The following PLEKHH2 variants were observed in gnomAD, a reference collection of about 807,000 sequenced individuals.
The protein encoded by PLEKHH2 is pleckstrin homology domain-containing family H member 2.
A neutral mutation model predicts 187.9 loss-of-function variants in PLEKHH2; 129 were observed. The ratio of observed to expected loss-of-function variants is 0.69; its 90% CI spans 0.59 to 0.79. PLEKHH2 has a LOEUF of 0.79. Among genes scored for constraint, PLEKHH2 ranks in the 30% least tolerant of loss-of-function variants. The probability of loss-of-function intolerance (pLI) is 0.00; values close to 1 mark genes in which losing one functional copy is unlikely to be tolerated. For missense variants in PLEKHH2, 2,076 were observed against 1,751.2 expected, an observed-to-expected ratio of 1.19 and a Z score of -3.31; for synonymous variants, 686 against 605.6, an observed-to-expected ratio of 1.13 and a Z score of -1.95.
intron 3 of PLEKHH2, among the ~76,000 whole-genome samples, chr2:43,680,053 G>A (rs1160287198): frequency 6.6e-6 from 1 of 152,082 alleles, no homozygotes; most frequent in Non-Finnish European, 1.5e-5. Context: ...AAAATGATGG[G>A]TTTGGATGGG....
At position 43,637,387 on chromosome 2, in the gene PLEKHH2, A is replaced by G. The variant is rs6544679; in HGVS notation, c.-4+8A>G. The stretch of plus-strand genomic sequence containing the variant: ...CGCTGCTGAGATAGACAGGTGAGAA[A>G]GCCCGGGGACGAGGGGCCACTCCAG... On this transcript the variant is annotated splice_region_variant and intron_variant, in intron 1 of 29. Transcript: ENST00000282406. 0.65 allele frequency: 98,385 copies of G among 152,262 alleles called. 32,912 individuals carry two copies. Among genetic ancestry groups the G allele is most frequent in the African/African-American group, 0.79 (32,690 of 41,532 alleles). 9.4% of individuals were successfully genotyped at this position (152,262 alleles called of 1,614,324 possible).
chr2:43,700,029 G>A lies in PLEKHH2; in HGVS notation c.1071G>A (p.Glu357=), dbSNP rs781116206. The change falls in exon 8 of 30, where the codon GAG becomes GAA. Residue 357 remains glutamate (E), a synonymous_variant. Coordinates refer to ENST00000282406, the MANE Select transcript of PLEKHH2 (RefSeq NM_172069.4). ...AGAAGCTATATTCTTGGCAGCAGGA[G>A]GCACAGTGGAAAGCTCTAAATAGTC... is the stretch of plus-strand genomic sequence containing the variant. ...EHKKLYSWQQ[E]AQWKALNSPL... is the part of the protein sequence containing the mutation. 2.5e-6 allele frequency: 4 copies of A among 1,614,136 alleles called. No homozygotes were observed. The South Asian group carries it at 4.4e-5, about 18-fold the overall frequency.
In PLEKHH2 at chr2:43,767,790, A is replaced by G. The variant is rs550067119; in HGVS notation, c.*2192A>G. The G allele has an allele frequency of 5.2e-5, 8 of 152,928 alleles. No individual in the cohort carries two copies. The highest frequency in any genetic ancestry group is 2.1e-4 in the South Asian group (1 of 4,830). The allele number at this position is 152,928 out of a possible 1,614,324, so 9.5% of individuals were successfully genotyped here. A position where few individuals can be genotyped will look rare whatever the true frequency, so the allele number is the denominator to read the frequency against. On this transcript the variant is annotated 3_prime_UTR_variant, in exon 30 of 30. Transcript: ENST00000282406. ...ATTTTTGATAGAGCAGAGATAAAAT[A>G]TTTTGATGGAAGGAAATCAATTTTC...
Position 43,692,514 on chromosome 2 carries a change from G to A in PLEKHH2, c.187G>A (p.Val63Ile), listed in dbSNP as rs778423987. 3 of 1,560,942 alleles carry A rather than the reference G, an allele frequency of 1.9e-6. No individual in the cohort carries two copies. Among genetic ancestry groups the A allele is most frequent in the Admixed American group, 1.8e-5 (1 of 55,390 alleles). The change falls in exon 4 of 30, where the codon GTA becomes ATA. Residue 63 changes from valine (V) to isoleucine (I), a missense_variant and splice_region_variant. Coordinates refer to ENST00000282406, the MANE Select transcript of PLEKHH2 (RefSeq NM_172069.4). ...TTAATATTTTATCCTTTGAATTTAGGTACAAGTTATGGAAGATAAATTAAA... is the reference window on the plus strand; with the variant it reads ...TTAATATTTTATCCTTTGAATTTAGATACAAGTTATGGAAGATAAATTAAA... ...ERQAEKAFQQ[V>I]QVMEDKLKAA...
At position 43,678,928 on chromosome 2, in the gene PLEKHH2, A is replaced by C; in HGVS notation, c.186+3A>C. The C allele has an allele frequency of 6.2e-7, 1 of 1,603,320 alleles. No homozygotes were observed. The highest frequency in any genetic ancestry group is 8.5e-7 in the Non-Finnish European group (1 of 1,172,674). On this transcript the variant is annotated splice_donor_region_variant and intron_variant, in intron 3 of 29. Coordinates refer to ENST00000282406, the MANE Select transcript of PLEKHH2 (RefSeq NM_172069.4). ...AAGCAGAAAAAGCTTTTCAACAGGT[A>C]GAGTATAATTTTACTTTAAATTTTT...
intron 2 of PLEKHH2, among the ~76,000 whole-genome samples, chr2:43,669,702 G>C (rs11124946): frequency 0.47 from 70,851 of 151,708 alleles, 17,094 homozygotes; most frequent in Non-Finnish European, 0.51. Context: ...AAGGTGAAAA[G>C]GAAGAAACTT....
At chr2:43,718,537 CAA>C (rs751090843) in intron 15 of PLEKHH2, among the ~76,000 whole-genome samples, 5 of 103,836 alleles carry the variant, frequency 4.8e-5, no homozygotes, top group Non-Finnish European at 4.1e-5. Context: ...GACTCCGTCT[CAA>C]AAAAAAAAAA....
In PLEKHH2 at chr2:43,757,505, C is replaced by T. The variant is rs538140138; in HGVS notation, c.3941+241C>T. Among the ~76,000 whole-genome samples the T allele has an allele frequency of 2.6e-4, 39 of 151,542 alleles. 1 individual carries two copies. The highest frequency in any genetic ancestry group is 2.1e-3 in the Admixed American group (32 of 15,220). ...CCCAATCTCGGCTCACTGCAAGCTC[C>T]GCCTCCCGGGTACAGCCATTCTCAT... On this transcript the variant is annotated intron_variant, in intron 26 of 29. Transcript: ENST00000282406.
intron 2 of PLEKHH2, among the ~76,000 whole-genome samples, chr2:43,645,952 C>A (rs1174355428): frequency 6.6e-6 from 1 of 152,072 alleles, no homozygotes; most frequent in South Asian, 2.1e-4. Flanking sequence ...TCATTGCTAG[C>A]CAAGAATCTC....
chr2:43,674,565 C>G (rs1667635839), intron 2 of PLEKHH2, among the ~76,000 whole-genome samples: 1 of 152,178 alleles, frequency 6.6e-6, no homozygotes, highest in Admixed American at 6.5e-5. Context: ...GCTCATTAAA[C>G]ATTTGAAATA....
intron 7 of PLEKHH2, among the ~76,000 whole-genome samples, chr2:43,698,189 C>T (rs769261976): frequency 2.6e-5 from 4 of 151,590 alleles, no homozygotes; most frequent in East Asian, 1.9e-4. Context: ...TTTTCCAATC[C>T]GAAGGCTCCT....
rs535445710 is a variant in PLEKHH2, at chr2:43,666,438, G to A, written c.124-12425G>A. On this transcript the variant is annotated intron_variant, in intron 2 of 29. Coordinates refer to ENST00000282406, the MANE Select transcript of PLEKHH2 (RefSeq NM_172069.4). ...AATGCAGAAATCACCCGTCTTCTGC[G>A]TCGCTCACGCTGGGAGCTGTAGACC... Among the ~76,000 whole-genome samples the A allele has an allele frequency of 6.0e-3, 919 of 151,946 alleles. 26 individuals carry two copies. The highest frequency in any genetic ancestry group is 0.012 in the African/African-American group (498 of 41,290).
intron 2 of PLEKHH2, among the ~76,000 whole-genome samples, chr2:43,665,776 T>G (rs1199013996): frequency 7.4e-6 from 1 of 134,490 alleles, no homozygotes; most frequent in Non-Finnish European, 1.6e-5. Context: ...GCCTCCCAGT[T>G]AGGCTGCTCC....
intron 3 of PLEKHH2, among the ~76,000 whole-genome samples, chr2:43,691,928 A>G (rs1252564240): frequency 6.6e-6 from 1 of 152,184 alleles, no homozygotes; most frequent in Non-Finnish European, 1.5e-5. Context: ...TTCAGTGAAT[A>G]TTTGTTAAAT....
intron 2 of PLEKHH2, among the ~76,000 whole-genome samples, chr2:43,651,252 A>G (rs532036492): frequency 6.6e-6 from 1 of 151,870 alleles, no homozygotes; most frequent in South Asian, 2.1e-4. Flanking sequence ...TATTTTTAGT[A>G]GAGATAGGGT....
intron 2 of PLEKHH2, among the ~76,000 whole-genome samples, chr2:43,670,532 A>C (rs62138791): frequency 2.0e-5 from 3 of 152,028 alleles, no homozygotes; most frequent in Non-Finnish European, 4.4e-5. Flanking sequence ...TGTTCTATTC[A>C]TCTAATATGT....
At chr2:43,677,872 C>CG (rs1426703610) in intron 2 of PLEKHH2, among the ~76,000 whole-genome samples, 75 of 126,024 alleles carry the variant, frequency 6.0e-4, no homozygotes, top group Admixed American at 2.3e-3. Context: ...GCTGGCCGGG[C>CG]GGGGGGCTGA....
chr2:43,641,016 C>G (rs986308487), intron 1 of PLEKHH2, among the ~76,000 whole-genome samples: 11 of 145,728 alleles, frequency 7.5e-5, no homozygotes, highest in Non-Finnish European at 1.3e-4. Flanking sequence ...TGGTCTCAAA[C>G]TCATGAGCTC....
chr2:43,655,422 A>T (rs1666704456), intron 2 of PLEKHH2, among the ~76,000 whole-genome samples: 1 of 152,154 alleles, frequency 6.6e-6, no homozygotes, highest in African/African-American at 2.4e-5. Flanking sequence ...GCTGGGATTG[A>T]TTTTTCTTTA....
Sources: gnomAD v4.1 joint callset for allele counts (sites outside exome capture counted in the v4.1 genomes callset) on GRCh38, gnomAD v4.1.1 for gene constraint, MANE v1.5 for transcripts, NCBI Gene and HGNC (gene_info 2026-07-23, HGNC 2026-07-21) for gene names.